The following CSMD1 variants were observed in gnomAD, a reference collection of about 807,000 sequenced individuals.
CSMD1 encodes CUB and sushi domain-containing protein 1.
A neutral mutation model predicts 417.5 loss-of-function variants in CSMD1; 213 were observed. The ratio of observed to expected loss-of-function variants is 0.51; its 90% confidence interval spans 0.46 to 0.57. The LOEUF (loss-of-function observed/expected upper bound fraction) is 0.57, where lower values mean the gene tolerates loss of function less well. Among genes scored for constraint, CSMD1 ranks in the 20% least tolerant of loss-of-function variants. CSMD1 has a pLI of 0.00. For synonymous variants in CSMD1, 2,862 were observed against 1,736.8 expected (o/e 1.65, Z -16.11); for missense variants, 6,923 against 4,529.7 (o/e 1.53, Z -15.17).
intron 3 of CSMD1, among the ~76,000 whole-genome samples, chr8:4,039,911 G>C (rs569880565): frequency 1.3e-5 from 2 of 152,252 alleles, no homozygotes; most frequent in East Asian, 3.9e-4. Context: ...TCTTAGAAAG[G>C]GGAATGAAAA....
chr8:3,673,630 G>A (rs558663409), intron 7 of CSMD1, among the ~76,000 whole-genome samples: 108 of 152,266 alleles, frequency 7.1e-4, no homozygotes, highest in Admixed American at 2.9e-3. Context: ...TTGACCTAAC[G>A]GGTGCGGGCA....
intron 1 of CSMD1, among the ~76,000 whole-genome samples, chr8:4,647,646 G>T (rs1396700542): frequency 1.3e-5 from 2 of 151,566 alleles, no homozygotes; most frequent in East Asian, 3.9e-4. Flanking sequence ...GCTCCCACTT[G>T]TGAGTTAGAA....
intron 6 of CSMD1, among the ~76,000 whole-genome samples, chr8:3,752,296 G>C (rs1031641848): frequency 2.0e-5 from 3 of 152,230 alleles, no homozygotes; most frequent in South Asian, 2.1e-4. Flanking sequence ...AGAAGATCAA[G>C]CTAAGAACCT....
chr8:3,437,520 C>T lies in CSMD1; in HGVS notation c.1562-27915G>A, dbSNP rs143100959. 7.9e-5 allele frequency among the ~76,000 whole-genome samples: 12 copies of T among 152,258 alleles called. No individual in the cohort carries two copies. The East Asian group carries it at 2.3e-3, about 29-fold the overall frequency. On this transcript the variant is annotated intron_variant, in intron 12 of 69. Transcript: ENST00000635120. ...CACTGGCAGCTTCTCCAGCCCTGCT[C>T]AAAGAAACTTCAACAGAGGCCAACG...
intron 6 of CSMD1, 41 bp downstream of exon 6, chr8:3,753,889 G>T (rs915098740): frequency 8.0e-5 from 107 of 1,335,756 alleles, no homozygotes; most frequent in Non-Finnish European, 9.9e-5. Context: ...AATATATTAC[G>T]CTCTGTTTTT....
chr8:3,178,180 A>G (rs1821061095), intron 37 of CSMD1, among the ~76,000 whole-genome samples: 1 of 152,142 alleles, frequency 6.6e-6, no homozygotes, highest in Admixed American at 6.5e-5. Flanking sequence ...TGCTACCATT[A>G]CTATTTTACA....
chr8:4,655,822 G>A (rs1301563240), intron 1 of CSMD1, among the ~76,000 whole-genome samples: 1 of 152,026 alleles, frequency 6.6e-6, no homozygotes, highest in Non-Finnish European at 1.5e-5. Context: ...AACAAAATGT[G>A]GATTAGAATT....
At chr8:4,314,094 G>A (rs1033523006) in intron 3 of CSMD1, among the ~76,000 whole-genome samples, 2 of 151,780 alleles carry the variant, frequency 1.3e-5, no homozygotes, top group Admixed American at 1.3e-4. Flanking sequence ...CTGGAGATGG[G>A]GGATTCAACA....
chr8:4,455,993 A>C (rs1585106740), intron 2 of CSMD1, among the ~76,000 whole-genome samples: 1 of 147,714 alleles, frequency 6.8e-6, no homozygotes, highest in Admixed American at 6.9e-5. Flanking sequence ...GACAAACAAT[A>C]AATTGCTTAT....
chr8:4,527,611 A>G (rs776999385), intron 2 of CSMD1, among the ~76,000 whole-genome samples: 13 of 152,190 alleles, frequency 8.5e-5, no homozygotes, highest in Non-Finnish European at 1.8e-4. Context: ...GTAGGGCCCC[A>G]TATTGCAGCC....
At chr8:3,160,965 G>A (rs1819853858) in intron 38 of CSMD1, among the ~76,000 whole-genome samples, 1 of 152,134 alleles carries the variant, frequency 6.6e-6, no homozygotes, top group Non-Finnish European at 1.5e-5. Context: ...GTTATTTCAC[G>A]GCTGTAGTGT....
chr8:4,527,765 T>A (rs893570552), intron 2 of CSMD1, among the ~76,000 whole-genome samples: 7 of 152,324 alleles, frequency 4.6e-5, no homozygotes, highest in African/African-American at 1.7e-4. Flanking sequence ...ACTACAATCG[T>A]AGCTATTCAT....
intron 6 of CSMD1, among the ~76,000 whole-genome samples, chr8:3,717,332 T>C (rs1001862336): frequency 3.3e-5 from 5 of 152,234 alleles, no homozygotes; most frequent in African/African-American, 9.6e-5. Flanking sequence ...GTTGTTTAAA[T>C]ATGATTAAAC....
At chr8:4,036,925 G>C (rs960465123) in intron 3 of CSMD1, among the ~76,000 whole-genome samples, 1 of 151,940 alleles carries the variant, frequency 6.6e-6, no homozygotes, top group Non-Finnish European at 1.5e-5. Context: ...TCATTGGCAT[G>C]TGCCCTGGAT....
chr8:3,966,168 G>T (rs1242591333), intron 5 of CSMD1, among the ~76,000 whole-genome samples: 1 of 152,150 alleles, frequency 6.6e-6, no homozygotes, highest in Non-Finnish European at 1.5e-5. Flanking sequence ...GGACGGCAAA[G>T]GAGAAAATGT....
At chr8:3,605,342 A>G (rs7826633) in intron 8 of CSMD1, among the ~76,000 whole-genome samples, 112,691 of 152,036 alleles carry the variant, frequency 0.74, 42,376 homozygotes, top group Middle Eastern at 0.84. Flanking sequence ...GTTTCTACAC[A>G]GTCCATAAGT....
chr8:3,555,176 A>G (rs1451262987), intron 10 of CSMD1, among the ~76,000 whole-genome samples: 5 of 151,804 alleles, frequency 3.3e-5, no homozygotes, highest in Non-Finnish European at 4.4e-5. Flanking sequence ...ATGGGGAGAA[A>G]TGTGTCTGGG....
At chr8:4,461,270 A>G (rs934802667) in intron 2 of CSMD1, among the ~76,000 whole-genome samples, 2 of 152,090 alleles carry the variant, frequency 1.3e-5, no homozygotes, top group Non-Finnish European at 2.9e-5. Context: ...GCCTACAGTT[A>G]ACATTGTATT....
rs35530505 is a variant in CSMD1 at position 4,217,658 on chromosome 8, GA to G, written c.416-185560del. On this transcript the variant is annotated intron_variant, in intron 3 of 69. Transcript: ENST00000635120. The stretch of plus-strand genomic sequence containing the variant: ...AAAGTTGACTCAGTTGACCTCATCA[GA>G]AAAAAAAAAAAATTAGGAGCTAATT... Among the ~76,000 whole-genome samples, 476 of 145,674 alleles carry G rather than the reference GA, an allele frequency of 3.3e-3. 1 individual carries two copies. The highest frequency in any genetic ancestry group is 0.011 in the African/African-American group (433 of 38,888).
Sources: gnomAD v4.1 joint callset for allele counts (sites outside exome capture counted in the v4.1 genomes callset) on GRCh38, gnomAD v4.1.1 for gene constraint, MANE v1.5 for transcripts, NCBI Gene and HGNC (gene_info 2026-07-23, HGNC 2026-07-21) for gene names.